Variants in ALG14 observed in about 807,000 individuals in gnomAD.
ALG14 encodes ALG14 UDP-N-acetylglucosaminyltransferase subunit, also known as UDP-N-acetylglucosamine transferase subunit ALG14.
ALG14 carries 17 observed loss-of-function variants against 22.8 expected under a neutral mutation model. That is an observed-to-expected ratio of 0.75 (90% confidence interval 0.51 to 1.12). ALG14 has a LOEUF of 1.12. Among genes scored for constraint, ALG14 ranks in the 50% most tolerant of loss-of-function variants. ALG14 has a pLI of 0.00. For synonymous variants in ALG14, 89 were observed against 103.7 expected (o/e 0.86, Z 0.86); for missense variants, 288 against 271.8 (o/e 1.06, Z -0.42).
At chr1:95,063,139 A>G (rs72964596) in intron 2 of ALG14, among the ~76,000 whole-genome samples, 2,639 of 151,946 alleles carry the variant, frequency 0.017, 75 homozygotes, top group African/African-American at 0.061. Context: ...CCACTTTTTA[A>G]TAACAGTTTT....
intron 2 of ALG14, among the ~76,000 whole-genome samples, chr1:95,041,338 A>G (rs1398015349): frequency 2.0e-5 from 3 of 152,226 alleles, no homozygotes; most frequent in African/African-American, 7.2e-5. Flanking sequence ...ACAAACTTAA[A>G]TAAAACCCCA....
At chr1:95,064,719 G>T in intron 2 of ALG14, 147 bp downstream of exon 2, 3 of 639,796 alleles carry the variant, frequency 4.7e-6, no homozygotes, top group Non-Finnish European at 7.4e-6. Context: ...CATATCTTTT[G>T]GTAGCAAAGG....
chr1:95,069,719 C>T (rs2100850791), intron 1 of ALG14, among the ~76,000 whole-genome samples: 1 of 152,280 alleles, frequency 6.6e-6, no homozygotes, highest in East Asian at 1.9e-4. Flanking sequence ...AAATTTTTCT[C>T]TGGCCTTCTC....
intron 2 of ALG14, among the ~76,000 whole-genome samples, chr1:95,052,957 A>G (rs1674802362): frequency 6.6e-6 from 1 of 152,150 alleles, no homozygotes; most frequent in Non-Finnish European, 1.5e-5. Context: ...ATTAACACAA[A>G]CAGAAAGCAG....
chr1:95,061,781 T>C (rs924918446), intron 2 of ALG14: 1 of 152,262 alleles, frequency 6.6e-6, no homozygotes, highest in Non-Finnish European at 1.5e-5. Context: ...ACAGACTGAT[T>C]CCATTCTCTA....
At chr1:95,025,430 T>C (rs1390988855) in intron 3 of ALG14, among the ~76,000 whole-genome samples, 1 of 152,210 alleles carries the variant, frequency 6.6e-6, no homozygotes, top group Non-Finnish European at 1.5e-5. Context: ...ATTTTCAGAA[T>C]GGTAAATGAG....
At chr1:95,022,439 C>G (rs1375867448) in intron 3 of ALG14, 3 of 832,664 alleles carry the variant, frequency 3.6e-6, no homozygotes, top group Non-Finnish European at 2.9e-6. Flanking sequence ...CCACTTCTCG[C>G]AGTGGACTCT....
intron 2 of ALG14, among the ~76,000 whole-genome samples, chr1:95,058,011 G>A (rs933469306): frequency 6.6e-6 from 1 of 151,860 alleles, no homozygotes; most frequent in African/African-American, 2.4e-5. Flanking sequence ...TTCAGGCCGG[G>A]CATGGTGGGA....
intron 3 of ALG14, among the ~76,000 whole-genome samples, chr1:95,008,121 G>A (rs1433519072): frequency 1.3e-5 from 2 of 152,118 alleles, no homozygotes; most frequent in Non-Finnish European, 2.9e-5. Flanking sequence ...TTCTGGTGGA[G>A]CTGTCAGCCA....
Position 95,027,269 on chromosome 1 carries a change from A to G in ALG14, c.289-9T>C, listed in dbSNP as rs1256678656. 1 of 1,613,660 alleles carries G rather than the reference A, an allele frequency of 6.2e-7. No individual in the cohort carries two copies. The highest frequency in any genetic ancestry group is 1.1e-5 in the South Asian group (1 of 91,052). On this transcript the variant is annotated splice_polypyrimidine_tract_variant and intron_variant, in intron 2 of 3. Coordinates refer to ENST00000370205, the MANE Select transcript of ALG14 (RefSeq NM_144988.4). ...ATGTAGTATTTGGTATACTAGAAGG[A>G]AACAGATGGAATCCAAATCAACTGA... is the stretch of plus-strand genomic sequence containing the variant.
chr1:95,016,838 C>T (rs1209141054), intron 3 of ALG14, among the ~76,000 whole-genome samples: 1 of 151,910 alleles, frequency 6.6e-6, no homozygotes. Flanking sequence ...ATGAAACCAC[C>T]AGAGGTAAGA....
chr1:95,048,008 T>A (rs72720247), intron 2 of ALG14, among the ~76,000 whole-genome samples: 2 of 152,092 alleles, frequency 1.3e-5, no homozygotes, highest in African/African-American at 2.4e-5. Context: ...AAATAAAATT[T>A]GGAATGAACA....
At chr1:94,999,089 CAT>C (rs1182804079) in intron 3 of ALG14, among the ~76,000 whole-genome samples, 2 of 152,004 alleles carry the variant, frequency 1.3e-5, no homozygotes, top group Non-Finnish European at 1.5e-5. Context: ...ACTTTTGAAA[CAT>C]GTCATTAGTT....
At position 94,976,158 on chromosome 1, in the gene ALG14, C is replaced by G. The variant is rs1672393932; in HGVS notation, c.*6918G>C. 6.6e-6 allele frequency: 1 copy of G among 151,718 alleles called. No homozygotes were observed. Among genetic ancestry groups the G allele is most frequent in the African/African-American group, 2.4e-5 (1 of 41,274 alleles). The allele number at this position is 151,718 out of a possible 1,614,324, so 9.4% of individuals were successfully genotyped here. On this transcript the variant is annotated 3_prime_UTR_variant, in exon 4 of 4. Coordinates refer to ENST00000370205, the MANE Select transcript of ALG14 (RefSeq NM_144988.4). ...GTGCTAAACACTGTACATACATCAT[C>G]TGAATGTTTAGTGCTCCCTACAACT... is the stretch of plus-strand genomic sequence containing the variant.
chr1:95,002,302 G>A (rs1267027248), intron 3 of ALG14, among the ~76,000 whole-genome samples: 1 of 152,034 alleles, frequency 6.6e-6, no homozygotes, highest in Non-Finnish European at 1.5e-5. Flanking sequence ...GCAGCAGCAT[G>A]GAACAGATCA....
At chr1:95,069,060 A>T (rs1439371251) in intron 1 of ALG14, among the ~76,000 whole-genome samples, 1 of 152,186 alleles carries the variant, frequency 6.6e-6, no homozygotes, top group Non-Finnish European at 1.5e-5. Flanking sequence ...TGGCCATTCC[A>T]AGTGCTATCA....
At chr1:94,990,633 A>G (rs1672748302) in intron 3 of ALG14, among the ~76,000 whole-genome samples, 1 of 152,238 alleles carries the variant, frequency 6.6e-6, no homozygotes, top group Non-Finnish European at 1.5e-5. Context: ...TGAACGTACT[A>G]CAGTCATCTA....
chr1:95,035,568 C>T (rs992930026), intron 2 of ALG14, among the ~76,000 whole-genome samples: 7 of 152,194 alleles, frequency 4.6e-5, no homozygotes, highest in Non-Finnish European at 5.9e-5. Context: ...GGATTTTGTT[C>T]AGGCTTCTAG....
intron 3 of ALG14, among the ~76,000 whole-genome samples, chr1:94,990,084 A>T (rs1354297079): frequency 6.6e-6 from 1 of 152,224 alleles, no homozygotes; most frequent in Non-Finnish European, 1.5e-5. Context: ...CTTATCTAAG[A>T]CAGGAGGGCA....
Sources: allele counts gnomAD v4.1 joint callset (sites outside exome capture counted in the v4.1 genomes callset), GRCh38; gene constraint gnomAD v4.1.1; transcripts MANE v1.5; gene names NCBI Gene and HGNC (gene_info 2026-07-23, HGNC 2026-07-21).